The following JPH2 variants were observed in gnomAD, a reference collection of about 807,000 sequenced individuals.
JPH2 encodes the protein junctophilin 2, also known as junctophilin-2.
Under a neutral mutation model 55.9 loss-of-function variants are expected in JPH2, and 38 were observed. The observed-to-expected ratio is 0.68, with a 90% CI of 0.52 to 0.89. JPH2 has a LOEUF of 0.89. JPH2 is among the 40% of genes least tolerant of loss of function. The pLI is 0.00. For missense variants in JPH2, 964 were observed against 1,037.6 expected, an observed-to-expected ratio of 0.93 and a Z score of 0.97; for synonymous variants, 480 against 472.4, an observed-to-expected ratio of 1.02 and a Z score of -0.21.
Position 44,160,946 on chromosome 20 carries a change from T to C in JPH2, c.380-539A>G, listed in dbSNP as rs901809539. On this transcript the variant is annotated intron_variant, in intron 1 of 5. Coordinates refer to ENST00000372980, the MANE Select transcript of JPH2 (RefSeq NM_020433.5). The surrounding 1 kb of genome is among the most constrained non-coding windows in gnomAD (Gnocchi z 4.9). ...AAAAAATTAGTCAGGCGTGGTGGCA[T>C]GCACCTGTGGTCCCAGCTACTAGAG... Among the ~76,000 whole-genome samples the C allele has an allele frequency of 6.6e-6, 1 of 152,096 alleles. No individual in the cohort carries two copies. The highest frequency in any genetic ancestry group is 1.5e-5 in the Non-Finnish European group (1 of 68,012).
At chr20:44,128,233 G>A (rs2072291239) in intron 2 of JPH2, among the ~76,000 whole-genome samples, 1 of 152,126 alleles carries the variant, frequency 6.6e-6, no homozygotes, top group Admixed American at 6.5e-5. Flanking sequence ...TATGGTTTTA[G>A]TTCTTCTACT....
chr20:44,145,371 G>A (rs2072486359), intron 2 of JPH2, among the ~76,000 whole-genome samples: 3 of 152,216 alleles, frequency 2.0e-5, no homozygotes, highest in South Asian at 4.1e-4. Flanking sequence ...TTGGGAGGCC[G>A]AGGTGGGCGG....
intron 2 of JPH2, among the ~76,000 whole-genome samples, chr20:44,122,751 G>A (rs1385495621): frequency 6.6e-6 from 1 of 152,080 alleles, no homozygotes; most frequent in Non-Finnish European, 1.5e-5. Flanking sequence ...TGGCGGTGGT[G>A]AAAGAGGAGG....
At chr20:44,147,400 G>A (rs972060144) in intron 2 of JPH2, among the ~76,000 whole-genome samples, 1 of 152,098 alleles carries the variant, frequency 6.6e-6, no homozygotes, top group East Asian at 1.9e-4. Flanking sequence ...TCCACACTAC[G>A]GACTAGCATA....
intron 2 of JPH2, among the ~76,000 whole-genome samples, chr20:44,156,305 G>A (rs2072566073): frequency 6.6e-6 from 1 of 152,186 alleles, no homozygotes; most frequent in South Asian, 2.1e-4. Context: ...AGAGTGTATG[G>A]AAACTCTTTG....
At position 44,139,436 on chromosome 20, in the gene JPH2, G is replaced by C. The variant is rs1461801083; in HGVS notation, c.1169+20182C>G. On this transcript the variant is annotated intron_variant, in intron 2 of 5. Coordinates refer to ENST00000372980, the MANE Select transcript of JPH2 (RefSeq NM_020433.5). ...CCAAACATCCATGTACAACAATGGG[G>C]ACCTGATTCAGTAAATTGTGGCACA... 2.6e-5 allele frequency among the ~76,000 whole-genome samples: 4 copies of C among 152,154 alleles called. No individual in the cohort carries two copies. The East Asian group carries it at 7.7e-4, about 29-fold the overall frequency.
chr20:44,157,343 T>G (rs1600855834), intron 2 of JPH2, among the ~76,000 whole-genome samples: 1 of 152,144 alleles, frequency 6.6e-6, no homozygotes, highest in East Asian at 1.9e-4. Flanking sequence ...TCCAGCTCCC[T>G]CATCCCAACT....
At chr20:44,130,831 T>G (rs946981639) in intron 2 of JPH2, among the ~76,000 whole-genome samples, 3 of 152,188 alleles carry the variant, frequency 2.0e-5, no homozygotes, top group Admixed American at 2.0e-4. Flanking sequence ...TTTCGTTTTT[T>G]GGGGGGCCTC....
intron 2 of JPH2, among the ~76,000 whole-genome samples, chr20:44,145,144 C>T (rs570866715): frequency 4.6e-5 from 7 of 152,016 alleles, no homozygotes; most frequent in Non-Finnish European, 1.0e-4. Context: ...TGGTCTGGGC[C>T]CTTCCAGCAC....
intron 1 of JPH2, among the ~76,000 whole-genome samples, chr20:44,161,001 G>A (rs1049188122): frequency 4.6e-5 from 7 of 152,236 alleles, no homozygotes; most frequent in Admixed American, 6.5e-5. Context: ...ACCTGAGCCC[G>A]GGAGGTCGAG....
chr20:44,156,708 G>T (rs2072568928), intron 2 of JPH2, among the ~76,000 whole-genome samples: 2 of 152,186 alleles, frequency 1.3e-5, no homozygotes, highest in Admixed American at 1.3e-4. Context: ...TCCCACCCAT[G>T]AGGATTAATC....
chr20:44,167,293 C>G (rs78583263), intron 1 of JPH2, among the ~76,000 whole-genome samples: 5,293 of 152,302 alleles, frequency 0.035, 133 homozygotes, highest in Admixed American at 0.048. Flanking sequence ...GCTTTGTCTA[C>G]CTTATTCTTG....
chr20:44,148,924 G>T (rs1209019246), intron 2 of JPH2, among the ~76,000 whole-genome samples: 5 of 152,018 alleles, frequency 3.3e-5, no homozygotes, highest in African/African-American at 1.2e-4. Flanking sequence ...ACAATTAGCT[G>T]GGTGTGGTGG....
Position 44,115,786 on chromosome 20 carries a change from T to C in JPH2, c.1889A>G (p.Lys630Arg). 2 of 1,609,962 alleles carry C rather than the reference T, an allele frequency of 1.2e-6. No individual in the cohort carries two copies. Among genetic ancestry groups the C allele is most frequent in the South Asian group, 2.2e-5 (2 of 91,054 alleles). Residue 630 changes from lysine to arginine, a missense_variant, in exon 4 of 6, where the codon AAA becomes AGA. Coordinates refer to ENST00000372980, the MANE Select transcript of JPH2 (RefSeq NM_020433.5). The stretch of plus-strand genomic sequence containing the variant: ...GCGGGCCTTGGCCCTGGGCTCGGCT[T>C]TGGGGATGATGGGCTTGGGCTCCAG... The part of the protein sequence containing the change: ...AKLEPKPIIP[K>R]AEPRAKARKT...
chr20:44,126,180 A>AAGGAAGGAAGGAAGGG (rs2072275373), intron 2 of JPH2, among the ~76,000 whole-genome samples: 2 of 83,026 alleles, frequency 2.4e-5, no homozygotes, highest in Non-Finnish European at 5.0e-5. Flanking sequence ...GGAAGGAAGG[A>AAGGAAGGAAGGAAGGG]AGGAAGGAAG....
chr20:44,114,561 AGTAAGTGT>A (rs1268798524), intron 5 of JPH2, among the ~76,000 whole-genome samples: 2 of 132,296 alleles, frequency 1.5e-5, no homozygotes, highest in African/African-American at 5.7e-5. Context: ...AAGCTAATGA[AGTAAGTGT>A]GTGTGTGTGT....
intron 2 of JPH2, among the ~76,000 whole-genome samples, chr20:44,141,589 G>A (rs1458801268): frequency 6.6e-6 from 1 of 152,014 alleles, no homozygotes; most frequent in Non-Finnish European, 1.5e-5. Flanking sequence ...GCTCACTGAA[G>A]CCTTGAACTC....
intron 2 of JPH2, among the ~76,000 whole-genome samples, chr20:44,156,116 T>C (rs2072564998): frequency 6.6e-6 from 1 of 151,292 alleles, no homozygotes; most frequent in South Asian, 2.1e-4. Context: ...ACCAAGGAGA[T>C]CTGACAACTA....
intron 2 of JPH2, among the ~76,000 whole-genome samples, chr20:44,123,237 C>T (rs892529567): frequency 2.6e-5 from 4 of 152,190 alleles, no homozygotes; most frequent in Non-Finnish European, 5.9e-5. Flanking sequence ...AGCCTTCAGG[C>T]CAGGAATCCC....
Sources: allele counts gnomAD v4.1 joint callset (sites outside exome capture counted in the v4.1 genomes callset), GRCh38; gene constraint gnomAD v4.1.1; non-coding constraint Gnocchi (gnomAD v3.1); transcripts MANE v1.5; gene names NCBI Gene and HGNC (gene_info 2026-07-23, HGNC 2026-07-21).